The following PDE4D variants were observed in gnomAD, a reference collection of about 807,000 sequenced individuals.
PDE4D encodes the protein phosphodiesterase 4D.
Under a neutral mutation model 87.4 loss-of-function variants are expected in PDE4D, and 24 were observed. The observed-to-expected ratio is 0.27, with a 90% CI of 0.20 to 0.39. PDE4D has a LOEUF of 0.39. Ranked by LOEUF, PDE4D falls within the 10% of genes least tolerant of loss-of-function variation. The pLI is 1.00. For missense variants in PDE4D, 714 were observed against 1,041.0 expected, an observed-to-expected ratio of 0.69 and a Z score of 4.32; for synonymous variants, 384 against 383.2, an observed-to-expected ratio of 1.00 and a Z score of -0.02.
intron 1 of PDE4D, among the ~76,000 whole-genome samples, chr5:59,691,837 A>G (rs1330755032): frequency 2.6e-5 from 4 of 152,140 alleles, no homozygotes; most frequent in Non-Finnish European, 5.9e-5. Flanking sequence ...CTTTCCTTTC[A>G]TTCAATAAAT....
chr5:59,741,981 C>T (rs918106723), intron 1 of PDE4D, among the ~76,000 whole-genome samples: 6 of 152,062 alleles, frequency 3.9e-5, no homozygotes, highest in Non-Finnish European at 5.9e-5. Context: ...ATGGTTTGCA[C>T]CAGAAGGATC....
chr5:59,950,141 C>T (rs184119261), intron 3 of PDE4D, among the ~76,000 whole-genome samples: 2 of 152,172 alleles, frequency 1.3e-5, no homozygotes, highest in East Asian at 3.9e-4. Context: ...CTTCATGATT[C>T]ATTTAAAAGA....
At chr5:59,364,539 G>A (rs73092980) in intron 1 of PDE4D, among the ~76,000 whole-genome samples, 1,829 of 152,194 alleles carry the variant, frequency 0.012, 41 homozygotes, top group African/African-American at 0.041. Flanking sequence ...TATGCTATAG[G>A]TGAGTCTTAA....
intron 1 of PDE4D, among the ~76,000 whole-genome samples, chr5:59,429,920 A>G (rs1320090548): frequency 6.6e-6 from 1 of 152,176 alleles, no homozygotes; most frequent in Non-Finnish European, 1.5e-5. Flanking sequence ...GCATTAAGGA[A>G]TGTCACATGT....
At chr5:59,475,196 C>A (rs1486834715) in intron 1 of PDE4D, among the ~76,000 whole-genome samples, 3 of 77,940 alleles carry the variant, frequency 3.8e-5, no homozygotes, top group Non-Finnish European at 7.0e-5. Context: ...TAGAATAAAG[C>A]TGAGGGATCC....
chr5:60,221,246 G>T (rs1744460607), intron 1 of PDE4D, among the ~76,000 whole-genome samples: 1 of 151,694 alleles, frequency 6.6e-6, no homozygotes, highest in South Asian at 2.1e-4. Flanking sequence ...TTTTTTAAAT[G>T]CATGAAAAAA....
intron 1 of PDE4D, among the ~76,000 whole-genome samples, chr5:59,470,099 C>G (rs1262475758): frequency 6.6e-6 from 1 of 152,062 alleles, no homozygotes. Context: ...GGGCACCAGT[C>G]TGCACACAGA....
chr5:60,337,376 T>TACACACACACACACACAC (rs1561133934), intron 1 of PDE4D, among the ~76,000 whole-genome samples: 5 of 118,802 alleles, frequency 4.2e-5, no homozygotes, highest in African/African-American at 1.8e-4. Context: ...TATATATATA[T>TACACACACACACACACAC]ATATATATAT....
chr5:59,895,439 A>G (rs1751529650), upstream of PDE4D, among the ~76,000 whole-genome samples: 1 of 152,194 alleles, frequency 6.6e-6, no homozygotes, highest in Non-Finnish European at 1.5e-5. Flanking sequence ...AAACAAGGCA[A>G]TCTCCTAAGC....
At chr5:59,608,124 T>C (rs1288029741) in intron 1 of PDE4D, among the ~76,000 whole-genome samples, 1 of 152,184 alleles carries the variant, frequency 6.6e-6, no homozygotes, top group Non-Finnish European at 1.5e-5. Flanking sequence ...AAATAGGAAC[T>C]GTGTTCCCCT....
intron 1 of PDE4D, among the ~76,000 whole-genome samples, chr5:59,758,600 A>C (rs1468027299): frequency 6.6e-6 from 1 of 152,206 alleles, no homozygotes; most frequent in East Asian, 1.9e-4. Flanking sequence ...AGAGAATTTT[A>C]AATTAGAATC....
chr5:60,320,538 T>C (rs1304310640), intron 1 of PDE4D, among the ~76,000 whole-genome samples: 1 of 152,166 alleles, frequency 6.6e-6, no homozygotes, highest in Non-Finnish European at 1.5e-5. Flanking sequence ...GGTACCTCTG[T>C]TGGAAATGCA....
At chr5:60,110,443 C>A (rs1777558992) in intron 2 of PDE4D, among the ~76,000 whole-genome samples, 1 of 151,864 alleles carries the variant, frequency 6.6e-6, no homozygotes, top group African/African-American at 2.4e-5. Context: ...ATCATCAAAA[C>A]CACAATGAGA....
At chr5:59,942,998 A>G (rs966878489) in intron 3 of PDE4D, among the ~76,000 whole-genome samples, 1 of 152,110 alleles carries the variant, frequency 6.6e-6, no homozygotes, top group African/African-American at 2.4e-5. Context: ...AACAGCCCCA[A>G]AGTAAAGAAT....
chr5:59,810,576 T>G (rs1768236643), intron 1 of PDE4D, among the ~76,000 whole-genome samples: 1 of 152,202 alleles, frequency 6.6e-6, no homozygotes, highest in African/African-American at 2.4e-5. Context: ...GGTCTAGCTC[T>G]GCCATTCAGA....
intron 2 of PDE4D, among the ~76,000 whole-genome samples, chr5:60,013,245 G>C (rs1765185079): frequency 6.6e-6 from 1 of 152,082 alleles, no homozygotes; most frequent in Admixed American, 6.6e-5. Flanking sequence ...AAGGCCAACA[G>C]CTTTTGGCCA....
intron 1 of PDE4D, among the ~76,000 whole-genome samples, chr5:60,416,403 C>T (rs1023671626): frequency 1.3e-5 from 2 of 152,178 alleles, no homozygotes; most frequent in African/African-American, 4.8e-5. Flanking sequence ...TCTTTGGGTC[C>T]ACACTGTCTT....
chr5:59,318,912 G>A (rs940086176), intron 1 of PDE4D, among the ~76,000 whole-genome samples: 3 of 151,994 alleles, frequency 2.0e-5, no homozygotes, highest in Non-Finnish European at 4.4e-5. Context: ...ACAACGATTT[G>A]GAAAATTCTT....
chr5:59,258,357 A>G (rs533614729), intron 1 of PDE4D, among the ~76,000 whole-genome samples: 7 of 152,058 alleles, frequency 4.6e-5, no homozygotes, highest in African/African-American at 1.7e-4. Context: ...TTAAAACACA[A>G]TTAGGAATAA....
Sources: gnomAD v4.1 joint callset for allele counts (sites outside exome capture counted in the v4.1 genomes callset) on GRCh38, gnomAD v4.1.1 for gene constraint, MANE v1.5 for transcripts, NCBI Gene and HGNC (gene_info 2026-07-23, HGNC 2026-07-21) for gene names.